Variants in MUSK observed in about 807,000 individuals in gnomAD.
The protein encoded by MUSK is muscle, skeletal receptor tyrosine-protein kinase.
MUSK carries 55 observed loss-of-function variants against 88.7 expected under a neutral mutation model. That is an observed-to-expected ratio of 0.62 (90% CI 0.50 to 0.78). The LOEUF (loss-of-function observed/expected upper bound fraction) is 0.78. Ranked by LOEUF, MUSK falls within the 30% of genes least tolerant of loss-of-function variation. The pLI is 0.00. For missense variants in MUSK, 1,015 were observed against 1,074.3 expected (o/e 0.94, Z 0.77); for synonymous variants, 387 against 391.9 (o/e 0.99, Z 0.15).
At chr9:110,754,528 T>C (rs888460192) in intron 7 of MUSK, among the ~76,000 whole-genome samples, 1 of 152,202 alleles carries the variant, frequency 6.6e-6, no homozygotes, top group Non-Finnish European at 1.5e-5. Context: ...ACATTTCCTA[T>C]AGAAGCTCAT....
intron 7 of MUSK, among the ~76,000 whole-genome samples, chr9:110,759,493 A>G (rs2077370206): frequency 6.6e-6 from 1 of 152,230 alleles, no homozygotes; most frequent in Non-Finnish European, 1.5e-5. Flanking sequence ...TAAACTTAAG[A>G]GCTTCTACAT....
intron 5 of MUSK, chr9:110,706,097 A>G (rs1423229260): frequency 3.8e-6 from 2 of 531,460 alleles, no homozygotes; most frequent in Admixed American, 1.9e-5. Flanking sequence ...ATTCACACCC[A>G]GTTTGTGGCT....
intron 11 of MUSK, among the ~76,000 whole-genome samples, chr9:110,784,297 T>C (rs2077815676): frequency 6.6e-6 from 1 of 152,188 alleles, no homozygotes; most frequent in Non-Finnish European, 1.5e-5. Context: ...TTTTACTTTA[T>C]ACATATCACA....
chr9:110,771,970 C>CTATATAA (rs2077582738), intron 9 of MUSK, among the ~76,000 whole-genome samples: 1 of 151,978 alleles, frequency 6.6e-6, no homozygotes, highest in Non-Finnish European at 1.5e-5. Flanking sequence ...GTTGTTACTA[C>CTATATAA]TATATAATAA....
At chr9:110,689,145 ATATT>A (rs1230729610) in intron 3 of MUSK, among the ~76,000 whole-genome samples, 1 of 129,942 alleles carries the variant, frequency 7.7e-6, no homozygotes, top group Non-Finnish European at 1.5e-5. Context: ...AATAAACTAT[ATATT>A]TATATAAAAT....
At chr9:110,777,425 C>A (rs2077687989) in intron 11 of MUSK, among the ~76,000 whole-genome samples, 1 of 152,010 alleles carries the variant, frequency 6.6e-6, no homozygotes, top group Admixed American at 6.6e-5. Context: ...GCTTAAAGGA[C>A]CAACACTTAA....
At chr9:110,675,521 G>A (rs1423228130) in intron 1 of MUSK, among the ~76,000 whole-genome samples, 5 of 130,204 alleles carry the variant, frequency 3.8e-5, no homozygotes, top group South Asian at 2.5e-4. Flanking sequence ...GTGCCTGGCC[G>A]CTACATTGCC....
chr9:110,771,697 T>C (rs570245964), intron 9 of MUSK, among the ~76,000 whole-genome samples: 6 of 152,280 alleles, frequency 3.9e-5, no homozygotes, highest in African/African-American at 1.4e-4. Flanking sequence ...AGCAATTAAT[T>C]TGAACAACTG....
intron 5 of MUSK, among the ~76,000 whole-genome samples, chr9:110,733,736 A>G (rs1325226750): frequency 1.3e-5 from 2 of 152,132 alleles, no homozygotes; most frequent in East Asian, 3.9e-4. Context: ...ACAATACAGC[A>G]GTCAACGAAA....
At chr9:110,694,314 A>T (rs554027915) in intron 3 of MUSK, among the ~76,000 whole-genome samples, 41 of 140,300 alleles carry the variant, frequency 2.9e-4, no homozygotes, top group African/African-American at 1.0e-3. Context: ...TGAACCCGGG[A>T]GGCGGAACTT....
At chr9:110,748,894 T>TC (rs1459832292) in intron 7 of MUSK, among the ~76,000 whole-genome samples, 1 of 152,084 alleles carries the variant, frequency 6.6e-6, no homozygotes, top group African/African-American at 2.4e-5. Context: ...CTCTCCTTTC[T>TC]CCCCCCAGTG....
Position 110,732,019 on chromosome 9 carries a change from GA to G in MUSK, c.629-2229del, listed in dbSNP as rs1164674856. On this transcript the variant is annotated intron_variant, in intron 5 of 14. Transcript: ENST00000374448. Reference sequence around the variant, plus strand: ...TAAATTAAAGCAGCAAAACATAATCGAAATTACATTATTCTCCAATTTTTTA... The same window carrying G: ...TAAATTAAAGCAGCAAAACATAATCGAATTACATTATTCTCCAATTTTTTA... Among the ~76,000 whole-genome samples the G allele has an allele frequency of 3.9e-5, 6 of 152,034 alleles. No homozygotes were observed. In the East Asian group the frequency reaches 7.8e-4, roughly 20 times the overall value.
At chr9:110,722,546 A>C (rs984255310) in intron 5 of MUSK, among the ~76,000 whole-genome samples, 2 of 152,022 alleles carry the variant, frequency 1.3e-5, no homozygotes, top group Non-Finnish European at 2.9e-5. Context: ...AAAAAAAAAA[A>C]CATGGGACTT....
rs369558015 is a variant in MUSK, at chr9:110,697,335, G to A, written c.497G>A (p.Arg166Gln). ...KGDSPLRENS[R>Q]IAVLESGSLR... Reference sequence around the variant, plus strand: ...CCCTATCTCTGGCAGGAAAATTCCCGAATTGCAGTTCTTGAATCTGGGAGC... The same window carrying A: ...CCCTATCTCTGGCAGGAAAATTCCCAAATTGCAGTTCTTGAATCTGGGAGC... Residue 166 changes from arginine to glutamine, a missense_variant, in exon 5 of 15, where the codon CGA becomes CAA. Coordinates refer to ENST00000374448, the MANE Select transcript of MUSK (RefSeq NM_005592.4). 1.1e-5 allele frequency: 17 copies of A among 1,612,058 alleles called. No homozygotes were observed. Among genetic ancestry groups the A allele is most frequent in the African/African-American group, 4.0e-5 (3 of 74,848 alleles).
At chr9:110,671,822 A>G (rs1480642634) in intron 1 of MUSK, among the ~76,000 whole-genome samples, 2 of 152,238 alleles carry the variant, frequency 1.3e-5, no homozygotes, top group Non-Finnish European at 2.9e-5. Context: ...ATTCTGCAGG[A>G]GCATAAGAGT....
chr9:110,696,622 A>T (rs2076433614), intron 4 of MUSK, among the ~76,000 whole-genome samples: 1 of 152,162 alleles, frequency 6.6e-6, no homozygotes, highest in Non-Finnish European at 1.5e-5. Flanking sequence ...GGGTGGTTGT[A>T]CTTATGTTAC....
At chr9:110,711,630 A>C (rs2131773139) in intron 5 of MUSK, among the ~76,000 whole-genome samples, 1 of 152,342 alleles carries the variant, frequency 6.6e-6, no homozygotes, top group East Asian at 1.9e-4. Flanking sequence ...CAGAAGACCA[A>C]GCTGAGATTT....
At position 110,797,581 on chromosome 9, in the gene MUSK, G is replaced by C. The variant is rs376353071; in HGVS notation, c.1928-2725G>C. 5.9e-5 allele frequency among the ~76,000 whole-genome samples: 9 copies of C among 152,244 alleles called. No individual in the cohort carries two copies. In the South Asian group the frequency reaches 8.3e-4, roughly 14 times the overall value. ...GCAAGAATTTCTATAGTAGTATCTCGAATAGTTTCTGGCACATTGTAGGCA... is the reference window on the plus strand; with the variant it reads ...GCAAGAATTTCTATAGTAGTATCTCCAATAGTTTCTGGCACATTGTAGGCA... On this transcript the variant is annotated intron_variant, in intron 14 of 14. Coordinates refer to ENST00000374448, the MANE Select transcript of MUSK (RefSeq NM_005592.4).
chr9:110,703,380 A>C (rs1366597319), intron 5 of MUSK, among the ~76,000 whole-genome samples: 3 of 151,966 alleles, frequency 2.0e-5, no homozygotes, highest in African/African-American at 7.2e-5. Context: ...CTATACAAAA[A>C]TTAGCCGGGC....
Sources: gnomAD v4.1 joint callset for allele counts (sites outside exome capture counted in the v4.1 genomes callset) on GRCh38, gnomAD v4.1.1 for gene constraint, MANE v1.5 for transcripts, NCBI Gene and HGNC (gene_info 2026-07-23, HGNC 2026-07-21) for gene names.